The following NBPF3 variants were observed in gnomAD, a reference collection of about 807,000 sequenced individuals.
The protein encoded by NBPF3 is NBPF family member NBPF3.
In NBPF3, 57 loss-of-function variants were observed where a neutral mutation model predicts 78.1. The observed-to-expected ratio is 0.73, with a 90% CI of 0.59 to 0.91. The LOEUF is 0.91. Among genes scored for constraint, NBPF3 ranks in the 40% least tolerant of loss-of-function variants. NBPF3 has a pLI of 0.00. For missense variants in NBPF3, 510 were observed against 715.3 expected, an observed-to-expected ratio of 0.71 and a Z score of 3.27; for synonymous variants, 182 against 271.7, an observed-to-expected ratio of 0.67 and a Z score of 3.25.
Position 21,441,558 on chromosome 1 carries a change from T to G in NBPF3, c.-140+1210T>G, listed in dbSNP as rs571542043. 5.3e-5 allele frequency among the ~76,000 whole-genome samples: 8 copies of G among 151,968 alleles called. No individual in the cohort carries two copies. The South Asian group carries it at 1.7e-3, about 32-fold the overall frequency. On this transcript the variant is annotated intron_variant, in intron 1 of 14. Coordinates refer to ENST00000318249, the MANE Select transcript of NBPF3 (RefSeq NM_032264.6). ...CCTATCTCTACTAAAAATACAAAAG[T>G]TAGCTGTGTGTGGTGGTGTGTGCCT...
intron 2 of NBPF3, among the ~76,000 whole-genome samples, chr1:21,455,466 CAT>C (rs1473177487): frequency 6.6e-6 from 1 of 152,200 alleles, no homozygotes; most frequent in Non-Finnish European, 1.5e-5. Flanking sequence ...TAGAATAAAT[CAT>C]ATCAGACTAA....
chr1:21,450,019 C>T (rs1159803778), intron 2 of NBPF3: 2 of 157,642 alleles, frequency 1.3e-5, no homozygotes, highest in African/African-American at 4.8e-5. Flanking sequence ...GAGACAGGCA[C>T]CTGTACTAGT....
chr1:21,456,023 C>A (rs999137184), intron 2 of NBPF3, among the ~76,000 whole-genome samples: 2 of 152,122 alleles, frequency 1.3e-5, no homozygotes, highest in African/African-American at 4.8e-5. Context: ...GCCTATTGTT[C>A]ACCAACCTGG....
chr1:21,441,874 T>C (rs2147886382), intron 1 of NBPF3, among the ~76,000 whole-genome samples: 1 of 152,302 alleles, frequency 6.6e-6, no homozygotes. Flanking sequence ...TTTCCCAAAG[T>C]GGTTGTACCA....
intron 2 of NBPF3, among the ~76,000 whole-genome samples, chr1:21,467,878 A>G (rs1300262776): frequency 1.3e-5 from 2 of 152,224 alleles, no homozygotes; most frequent in Non-Finnish European, 2.9e-5. Context: ...GGGATGTCAA[A>G]CTGGTCTAGA....
At chr1:21,452,703 C>T (rs868636159) in intron 2 of NBPF3, among the ~76,000 whole-genome samples, 2 of 152,340 alleles carry the variant, frequency 1.3e-5, no homozygotes, top group Middle Eastern at 3.4e-3. Context: ...GAGCAGCTGA[C>T]AGTGGCTGAT....
At chr1:21,457,505 A>G (rs1161294603) in intron 2 of NBPF3, among the ~76,000 whole-genome samples, 1 of 152,150 alleles carries the variant, frequency 6.6e-6, no homozygotes, top group Middle Eastern at 3.2e-3. Context: ...TAAAGAAGAT[A>G]CATAAATGGT....
chr1:21,451,865 T>A lies in NBPF3; in HGVS notation c.133+6646T>A, dbSNP rs1641330065. The A allele has an allele frequency of 5.6e-6, 5 of 896,380 alleles. 1 individual carries two copies. The highest frequency in any genetic ancestry group is 5.2e-5 in the Admixed American group (1 of 19,130). 55.5% of individuals were successfully genotyped at this position (896,380 alleles called of 1,614,324 possible). The stretch of plus-strand genomic sequence containing the variant: ...AGTTGGGAATCCAGTGTTAATGCCA[T>A]GAAGCAGCCGCCAGTTGGGATCAAA... On this transcript the variant is annotated intron_variant, in intron 2 of 14. Transcript: ENST00000318249.
chr1:21,446,992 C>G (rs1299003813), intron 2 of NBPF3, among the ~76,000 whole-genome samples: 2 of 152,278 alleles, frequency 1.3e-5, no homozygotes, highest in Non-Finnish European at 2.9e-5. Context: ...AAATCTCCAA[C>G]TGCTCTGACT....
chr1:21,479,592 A>G (rs535794987), intron 10 of NBPF3, among the ~76,000 whole-genome samples, 192 bp downstream of exon 10: 121 of 152,304 alleles, frequency 7.9e-4, no homozygotes, highest in Non-Finnish European at 1.6e-3. Context: ...CTTCTCATTT[A>G]CTAACCTAGT....
chr1:21,449,312 GA>G (rs142647435), intron 2 of NBPF3, among the ~76,000 whole-genome samples: 27,562 of 151,862 alleles, frequency 0.18, 2,756 homozygotes, highest in Non-Finnish European at 0.22. Flanking sequence ...GGCTCTCCTT[GA>G]AATTGGTTCA....
At chr1:21,441,132 C>G (rs561731745) in intron 1 of NBPF3, among the ~76,000 whole-genome samples, 1 of 152,162 alleles carries the variant, frequency 6.6e-6, no homozygotes, top group Non-Finnish European at 1.5e-5. Context: ...GCAGTGGTAC[C>G]TTTTCTTTGG....
chr1:21,462,681 C>T (rs1642018052), intron 2 of NBPF3, among the ~76,000 whole-genome samples: 4 of 152,228 alleles, frequency 2.6e-5, no homozygotes, highest in Admixed American at 2.6e-4. Context: ...AGAACCACAA[C>T]TCTGAGACTA....
At chr1:21,472,380 G>A (rs1246111216) in intron 5 of NBPF3, among the ~76,000 whole-genome samples, 1 of 152,244 alleles carries the variant, frequency 6.6e-6, no homozygotes, top group Non-Finnish European at 1.5e-5. Context: ...TTCATGGAGA[G>A]AATGTCCCTG....
chr1:21,436,875 G>A, upstream of NBPF3: 1 of 581,968 alleles, frequency 1.7e-6, no homozygotes, highest in East Asian at 3.5e-5. The surrounding 1 kb of genome is among the most constrained non-coding windows in gnomAD (Gnocchi z 4.3). Context: ...GCGCCCTCCG[G>A]GTGGGGGCGG....
Position 21,476,332 on chromosome 1 carries a change from T to C in NBPF3, c.992+1381T>C, listed in dbSNP as rs1319573900. Reference sequence around the variant, plus strand: ...CTGTCATGATGATGTGAGCTGGTTATTTTGCCTGTTAGTTGATGCACTTTC... The same window carrying C: ...CTGTCATGATGATGTGAGCTGGTTACTTTGCCTGTTAGTTGATGCACTTTC... On this transcript the variant is annotated intron_variant, in intron 8 of 14. Transcript: ENST00000318249. This position sits in a 1 kb window ranked among gnomAD's most constrained non-coding sequence, Gnocchi z 4.1. 1.3e-5 allele frequency among the ~76,000 whole-genome samples: 2 copies of C among 152,196 alleles called. No homozygotes were observed. Among genetic ancestry groups the C allele is most frequent in the Non-Finnish European group, 1.5e-5 (1 of 68,018 alleles).
chr1:21,453,770 G>A (rs1203422598), intron 2 of NBPF3: 1 of 152,214 alleles, frequency 6.6e-6, no homozygotes, highest in African/African-American at 2.4e-5. Flanking sequence ...TCACCATAGT[G>A]GGAATTTATG....
intron 6 of NBPF3, 104 bp from the exon 7 acceptor site, chr1:21,473,276 G>C: frequency 7.4e-7 from 1 of 1,359,214 alleles, no homozygotes; most frequent in Non-Finnish European, 1.1e-6. Context: ...TTGCTTTCTT[G>C]GACCACTCTC....
chr1:21,483,095 G>A, intron 14 of NBPF3, 48 bp from the exon 15 acceptor site: 1 of 1,610,984 alleles, frequency 6.2e-7, no homozygotes, highest in East Asian at 2.2e-5. Flanking sequence ...GGGCTCTGTG[G>A]TGTCTGATTT....
Sources: allele counts gnomAD v4.1 joint callset (sites outside exome capture counted in the v4.1 genomes callset), GRCh38; gene constraint gnomAD v4.1.1; non-coding constraint Gnocchi (gnomAD v3.1); transcripts MANE v1.5; gene names NCBI Gene and HGNC (gene_info 2026-07-23, HGNC 2026-07-21).